DAGLB: variants seen among roughly 807,000 people sequenced by gnomAD.
DAGLB encodes the protein diacylglycerol lipase beta.
DAGLB carries 66 observed loss-of-function variants against 72.1 expected under a neutral mutation model. The observed-to-expected ratio is 0.92, with a 90% CI of 0.75 to 1.12. The LOEUF (loss-of-function observed/expected upper bound fraction) is 1.12, where lower values mean the gene tolerates loss of function less well. DAGLB is among the 50% of genes most tolerant of loss of function. The pLI is 0.00. For missense variants in DAGLB, 1,065 were observed against 884.9 expected, an observed-to-expected ratio of 1.20 and a Z score of -2.58; for synonymous variants, 414 against 359.5, an observed-to-expected ratio of 1.15 and a Z score of -1.71.
chr7:6,421,987 T>C, intron 8 of DAGLB, 183 bp from the exon 9 acceptor site: 1 of 704,136 alleles, frequency 1.4e-6, no homozygotes. Flanking sequence ...CTGAGGGCCC[T>C]GATGGCACGA....
At chr7:6,435,545 G>C (rs1343512524) in intron 3 of DAGLB, 3 of 156,844 alleles carry the variant, frequency 1.9e-5, no homozygotes, top group Non-Finnish European at 2.8e-5. Flanking sequence ...TGCCCTAACA[G>C]TAAAGGCCAC....
At chr7:6,435,303 T>G in intron 3 of DAGLB, 1 of 352,276 alleles carries the variant, frequency 2.8e-6, no homozygotes, top group Non-Finnish European at 5.4e-6. Context: ...CTGGCCAACA[T>G]AGTGAAACCC....
intron 9 of DAGLB, 155 bp from the exon 10 acceptor site, chr7:6,417,076 G>A (rs1045063400): frequency 3.7e-5 from 30 of 817,744 alleles, no homozygotes; most frequent in Non-Finnish European, 5.4e-5. Flanking sequence ...GCATGGCTGT[G>A]CTCCTGGCAC....
At chr7:6,444,846 C>T (rs926071808) in intron 2 of DAGLB, among the ~76,000 whole-genome samples, 2 of 152,168 alleles carry the variant, frequency 1.3e-5, no homozygotes, top group African/African-American at 4.8e-5. Flanking sequence ...GCAGAGGTTA[C>T]AGTGAGCCGA....
intron 3 of DAGLB, among the ~76,000 whole-genome samples, chr7:6,435,777 C>A (rs1266212876): frequency 6.6e-6 from 1 of 152,180 alleles, no homozygotes; most frequent in African/African-American, 2.4e-5. Context: ...CACACGCAAC[C>A]GGGAAATGCC....
At chr7:6,443,441 G>A (rs1385151441) in intron 2 of DAGLB, among the ~76,000 whole-genome samples, 2 of 152,024 alleles carry the variant, frequency 1.3e-5, no homozygotes, top group East Asian at 1.9e-4. Flanking sequence ...GGCAACAAGG[G>A]CAAAACTCTG....
intron 11 of DAGLB, among the ~76,000 whole-genome samples, chr7:6,414,432 C>T (rs1353798942): frequency 2.0e-5 from 3 of 152,016 alleles, no homozygotes; most frequent in Non-Finnish European, 4.4e-5. Flanking sequence ...ACTGCCTCAG[C>T]CTCCCGGGTA....
intron 2 of DAGLB, among the ~76,000 whole-genome samples, chr7:6,443,269 A>AG (rs1338343591): frequency 2.4e-4 from 35 of 148,792 alleles, no homozygotes; most frequent in Admixed American, 6.9e-5. Context: ...AAAAAAAAAA[A>AG]AAAAGAAACT....
intron 9 of DAGLB, chr7:6,417,133 C>T (rs1447027653): frequency 3.2e-5 from 18 of 557,084 alleles, no homozygotes; most frequent in South Asian, 1.6e-4. Context: ...TGGTGGCGCA[C>T]GCTTGTAATC....
intron 13 of DAGLB, among the ~76,000 whole-genome samples, chr7:6,410,936 G>C (rs1253393185): frequency 4.2e-5 from 6 of 141,644 alleles, no homozygotes; most frequent in South Asian, 4.5e-4. Context: ...CCAGGCTGGA[G>C]TGCAGTGGCA....
Position 6,432,923 on chromosome 7 carries a change from G to A in DAGLB, c.715C>T (p.Leu239Phe), listed in dbSNP as rs371906463. 31 of 1,613,236 alleles carry A rather than the reference G, an allele frequency of 1.9e-5. No homozygotes were observed. The East Asian group carries it at 5.3e-4, about 28-fold the overall frequency. ...TCCTGTTGCTGATGAAGCAGGGCGA[G>A]GCCCGCCGCAATGTCGCTGGGCACC... ...DLVPSDIAAG[L>F]ALLHQQQDNI... Residue 239 changes from leucine (L) to phenylalanine (F), a missense_variant, in exon 5 of 15, where the codon CTC (leucine) becomes TTC (phenylalanine). Transcript: ENST00000297056.
intron 9 of DAGLB, 37 bp downstream of exon 9, chr7:6,421,690 G>A (rs1374320253): frequency 6.4e-7 from 1 of 1,572,914 alleles, no homozygotes; most frequent in African/African-American, 1.3e-5. Context: ...TGTGTGGTCA[G>A]CATTCACAGG....
chr7:6,429,475 C>T lies in DAGLB; in HGVS notation c.929+1005G>A, dbSNP rs145776661. Among the ~76,000 whole-genome samples, 1,282 of 151,774 alleles carry T rather than the reference C, an allele frequency of 8.4e-3. 25 individuals carry two copies. Among genetic ancestry groups the T allele is most frequent in the African/African-American group, 0.03 (1,229 of 41,396 alleles). On this transcript the variant is annotated intron_variant, in intron 6 of 14. Transcript: ENST00000297056. Reference sequence around the variant, plus strand: ...AAAAAAATTGCTAAAAAGGGTATTACTGGGGCTGGGCACAGTGGCTCACAC... The same window carrying T: ...AAAAAAATTGCTAAAAAGGGTATTATTGGGGCTGGGCACAGTGGCTCACAC...
chr7:6,435,486 AAG>A, intron 3 of DAGLB: 1 of 147,396 alleles, frequency 6.8e-6, no homozygotes, highest in East Asian at 2.1e-4. Flanking sequence ...CTCCGTCTCA[AAG>A]AAAAAAAAAA....
chr7:6,434,620 G>A, intron 4 of DAGLB, 142 bp downstream of exon 4: 1 of 1,368,338 alleles, frequency 7.3e-7, no homozygotes, highest in Non-Finnish European at 1.0e-6. Context: ...GCTCATCACA[G>A]ACAGAGGGTC....
Position 6,435,003 on chromosome 7 carries a change from G to A in DAGLB, c.437C>T (p.Ala146Val). 1.2e-6 allele frequency: 2 copies of A among 1,613,606 alleles called. No individual in the cohort carries two copies. The highest frequency in any genetic ancestry group is 1.7e-6 in the Non-Finnish European group (2 of 1,180,026). ...TVVVSWIIIA[A>V]TVVSIIIVFD... is the part of the protein sequence containing the mutation. Reference sequence around the variant, plus strand: ...GACAATGATAATGGAAACCACTGTGGCAGCGATGATGATCCAACTGCAAGA... The same window carrying A: ...GACAATGATAATGGAAACCACTGTGACAGCGATGATGATCCAACTGCAAGA... The change falls in exon 4 of 15, where the codon GCC becomes GTC. Residue 146 changes from alanine to valine, a missense_variant. Ala to Val is a moderately conservative substitution (Grantham distance 64, BLOSUM62 0). Transcript: ENST00000297056.
intron 5 of DAGLB, among the ~76,000 whole-genome samples, chr7:6,432,228 T>C (rs1172337024): frequency 6.6e-6 from 1 of 152,068 alleles, no homozygotes; most frequent in Admixed American, 6.6e-5. Flanking sequence ...GGTATGCGCC[T>C]GTAATCCCAG....
intron 2 of DAGLB, among the ~76,000 whole-genome samples, chr7:6,440,677 G>A (rs750792932): frequency 2.0e-5 from 3 of 152,072 alleles, no homozygotes; most frequent in African/African-American, 7.2e-5. Flanking sequence ...CGGGAAGTTC[G>A]AGACCAGCCT....
intron 9 of DAGLB, among the ~76,000 whole-genome samples, chr7:6,420,922 G>T (rs1485109678): frequency 6.6e-6 from 1 of 152,208 alleles, no homozygotes. Context: ...CCCGTGGGGT[G>T]GGCCTGCCTC....
Sources: gnomAD v4.1 joint callset for allele counts (sites outside exome capture counted in the v4.1 genomes callset) on GRCh38, gnomAD v4.1.1 for gene constraint, MANE v1.5 for transcripts, NCBI Gene and HGNC (gene_info 2026-07-23, HGNC 2026-07-21) for gene names.